ASAP1: variants seen among roughly 807,000 people sequenced by gnomAD.
The protein encoded by ASAP1 is ArfGAP with SH3 domain, ankyrin repeat and PH domain 1.
In ASAP1, 43 loss-of-function variants were observed where a neutral mutation model predicts 145.2. The observed-to-expected ratio is 0.30, with a 90% CI of 0.23 to 0.38. The LOEUF (loss-of-function observed/expected upper bound fraction) is 0.38, where lower values mean the gene tolerates loss of function less well. Ranked by LOEUF, ASAP1 falls within the 10% of genes least tolerant of loss-of-function variation. The pLI, the probability that ASAP1 is intolerant of heterozygous loss-of-function variation, is 1.00. For synonymous variants in ASAP1, 546 were observed against 515.5 expected (o/e 1.06, Z -0.80); for missense variants, 1,018 against 1,355.3 (o/e 0.75, Z 3.91).
intron 2 of ASAP1, among the ~76,000 whole-genome samples, chr8:130,383,447 C>G (rs948680779): frequency 6.6e-6 from 1 of 152,152 alleles, no homozygotes; most frequent in African/African-American, 2.4e-5. Context: ...TCTGAGAGGA[C>G]AGCAGAGCCC....
At chr8:130,436,079 G>A (rs1255778806) in intron 1 of ASAP1, among the ~76,000 whole-genome samples, 1 of 152,188 alleles carries the variant, frequency 6.6e-6, no homozygotes, top group African/African-American at 2.4e-5. Flanking sequence ...CGAACCTAGA[G>A]CAATGTGAAA....
intron 24 of ASAP1, among the ~76,000 whole-genome samples, chr8:130,101,541 G>A (rs1289859670): frequency 6.6e-6 from 1 of 151,454 alleles, no homozygotes; most frequent in Non-Finnish European, 1.5e-5. Flanking sequence ...TTTTTGGGGG[G>A]TAGCTATCGT....
chr8:130,095,294 A>ATTTTTTTTTTTTTTTTTTTTT (rs71302392), intron 24 of ASAP1, among the ~76,000 whole-genome samples: 1 of 95,704 alleles, frequency 1.0e-5, no homozygotes, highest in Non-Finnish European at 2.0e-5. Flanking sequence ...TAGGCCAGTG[A>ATTTTTTTTTTTTTTTTTTTTT]TTTTTTTTTT....
chr8:130,326,905 A>T (rs911780709), intron 3 of ASAP1, among the ~76,000 whole-genome samples: 1 of 152,124 alleles, frequency 6.6e-6, no homozygotes, highest in Non-Finnish European at 1.5e-5. Flanking sequence ...AAGTCATCTT[A>T]ATTTAGCCTT....
chr8:130,338,304 C>T (rs980400304), intron 3 of ASAP1, among the ~76,000 whole-genome samples: 2 of 152,194 alleles, frequency 1.3e-5, no homozygotes, highest in Non-Finnish European at 2.9e-5. Flanking sequence ...CAGTACCTAC[C>T]TAAATGGTGG....
chr8:130,128,631 T>TAAC (rs1307546379), intron 15 of ASAP1, among the ~76,000 whole-genome samples: 1 of 152,184 alleles, frequency 6.6e-6, no homozygotes, highest in Non-Finnish European at 1.5e-5. Flanking sequence ...AAAGGCATAT[T>TAAC]AACATGGAAA....
intron 3 of ASAP1, among the ~76,000 whole-genome samples, chr8:130,260,042 A>G (rs1819800803): frequency 6.6e-6 from 1 of 152,214 alleles, no homozygotes; most frequent in Admixed American, 6.5e-5. Context: ...AAGAACAAAA[A>G]AGGACAATGT....
At chr8:130,406,103 G>A (rs1370646374) in intron 1 of ASAP1, among the ~76,000 whole-genome samples, 1 of 152,130 alleles carries the variant, frequency 6.6e-6, no homozygotes, top group Non-Finnish European at 1.5e-5. Flanking sequence ...TGTTGTTGTT[G>A]TTGTTAAGGG....
At chr8:130,093,831 A>G (rs1346311761) in intron 24 of ASAP1, among the ~76,000 whole-genome samples, 1 of 152,124 alleles carries the variant, frequency 6.6e-6, no homozygotes, top group Non-Finnish European at 1.5e-5. Flanking sequence ...TCCTTGGTAC[A>G]AAGTAAGCTT....
chr8:130,349,155 C>A (rs568817411), intron 3 of ASAP1, among the ~76,000 whole-genome samples: 1 of 152,222 alleles, frequency 6.6e-6, no homozygotes, highest in Non-Finnish European at 1.5e-5. Flanking sequence ...TATACAGTTA[C>A]ACTGAGTTGA....
chr8:130,081,790 A>G lies in ASAP1; in HGVS notation c.2573-1819T>C, dbSNP rs985811563. ...ACCTGGGAGTCCTGACCACAAATCA[A>G]TGTGCTCTTCATTACCCATCAAGAC... On this transcript the variant is annotated intron_variant, in intron 25 of 29. Coordinates refer to ENST00000518721, the MANE Select transcript of ASAP1 (RefSeq NM_018482.4). Among the ~76,000 whole-genome samples the G allele has an allele frequency of 7.2e-5, 11 of 152,154 alleles. No individual in the cohort carries two copies. In the East Asian group the frequency reaches 1.9e-3, roughly 27 times the overall value.
chr8:130,092,037 T>A lies in ASAP1; in HGVS notation c.2508A>T (p.Arg836Ser). The A allele has an allele frequency of 6.3e-7, 1 of 1,577,696 alleles. No homozygotes were observed. The highest frequency in any genetic ancestry group is 8.6e-7 in the Non-Finnish European group (1 of 1,166,050). ...RPPPPPPGHK[R>S]TLSDPPSPLP... is the part of the protein sequence containing the mutation. ...GTGGGCTGGGAGGGTCGGATAGGGTTCTCTTGTGTCCGGGTGGTGGGGGAG... is the reference window on the plus strand; with the variant it reads ...GTGGGCTGGGAGGGTCGGATAGGGTACTCTTGTGTCCGGGTGGTGGGGGAG... Residue 836 changes from arginine to serine, a missense_variant, in exon 25 of 30, where the codon AGA becomes AGT. Physicochemically the swap from Arg to Ser is moderately radical, Grantham distance 110. Transcript: ENST00000518721.
chr8:130,336,382 A>T (rs1825036966), intron 3 of ASAP1, among the ~76,000 whole-genome samples: 1 of 152,228 alleles, frequency 6.6e-6, no homozygotes, highest in South Asian at 2.1e-4. Flanking sequence ...AATGCAGATT[A>T]TTGGGTCCTA....
intron 15 of ASAP1, among the ~76,000 whole-genome samples, chr8:130,128,644 T>C (rs2135744333): frequency 6.6e-6 from 1 of 152,270 alleles, no homozygotes; most frequent in Non-Finnish European, 1.5e-5. Flanking sequence ...CATGGAAACA[T>C]GATGACATTT....
At chr8:130,105,151 G>A (rs2097534902) in intron 24 of ASAP1, among the ~76,000 whole-genome samples, 2 of 152,068 alleles carry the variant, frequency 1.3e-5, no homozygotes, top group South Asian at 2.1e-4. Context: ...GCATCTGCAG[G>A]TTCAACCAAC....
chr8:130,353,882 A>G (rs1387842718), intron 3 of ASAP1, among the ~76,000 whole-genome samples: 1 of 151,836 alleles, frequency 6.6e-6, no homozygotes, highest in Non-Finnish European at 1.5e-5. Context: ...CACGGAGAGA[A>G]GGGAGTGAGA....
chr8:130,060,452 C>G, intron 28 of ASAP1, 127 bp downstream of exon 28: 8 of 1,295,074 alleles, frequency 6.2e-6, no homozygotes, highest in Non-Finnish European at 8.5e-6. Flanking sequence ...CATGCTTGAA[C>G]CAGAGCACAT....
At chr8:130,405,153 T>C (rs960423545) in intron 1 of ASAP1, among the ~76,000 whole-genome samples, 2 of 151,850 alleles carry the variant, frequency 1.3e-5, no homozygotes, top group Non-Finnish European at 2.9e-5. Context: ...AATAAAGCCA[T>C]GCACATAGAC....
At position 130,060,733 on chromosome 8, in the gene ASAP1, T is replaced by G; in HGVS notation, c.3038A>C (p.Gln1013Pro). 4 of 1,614,180 alleles carry G rather than the reference T, an allele frequency of 2.5e-6. No homozygotes were observed. Among genetic ancestry groups the G allele is most frequent in the Non-Finnish European group, 3.4e-6 (4 of 1,180,034 alleles). ...QTGDVSPKAQQPSEVTLKSHP... is the reference protein window; with the variant it reads ...QTGDVSPKAQPPSEVTLKSHP... ...TGACTTCAGTGTGACCTCAGAGGGTTGCTGAGCCTTGGGTGAGACATCTCC... is the reference window on the plus strand; with the variant it reads ...TGACTTCAGTGTGACCTCAGAGGGTGGCTGAGCCTTGGGTGAGACATCTCC... The change falls in exon 28 of 30, where the codon CAA (glutamine) becomes CCA (proline). Residue 1013 changes from glutamine to proline, a missense_variant. This residue lies in a region of ASAP1 where 139 missense variants were observed against 131.0 expected (regional missense o/e 1.06). Coordinates refer to ENST00000518721, the MANE Select transcript of ASAP1 (RefSeq NM_018482.4).
Sources: allele counts gnomAD v4.1 joint callset (sites outside exome capture counted in the v4.1 genomes callset), GRCh38; gene constraint gnomAD v4.1.1; regional missense constraint gnomAD v4.1.1; transcripts MANE v1.5; gene names NCBI Gene and HGNC (gene_info 2026-07-23, HGNC 2026-07-21).